ANKS1B: variants seen among roughly 807,000 people sequenced by gnomAD.
The protein encoded by ANKS1B is ankyrin repeat and sterile alpha motif domain-containing protein 1B.
Under a neutral mutation model 148.3 loss-of-function variants are expected in ANKS1B, and 36 were observed. That is an observed-to-expected ratio of 0.24 (90% CI 0.19 to 0.32). The LOEUF (loss-of-function observed/expected upper bound fraction) is 0.32, where lower values mean the gene tolerates loss of function less well. ANKS1B is among the 10% of genes least tolerant of loss of function. The pLI, the probability that ANKS1B is intolerant of heterozygous loss-of-function variation, is 1.00. For synonymous variants in ANKS1B, 542 were observed against 560.8 expected, an observed-to-expected ratio of 0.97 and a Z score of 0.47; for missense variants, 1,157 against 1,542.6, an observed-to-expected ratio of 0.75 and a Z score of 4.19.
intron 9 of ANKS1B, among the ~76,000 whole-genome samples, chr12:99,522,933 G>C (rs887163441): frequency 2.0e-5 from 3 of 152,172 alleles, no homozygotes; most frequent in Non-Finnish European, 4.4e-5. Context: ...CAAAGAGACT[G>C]GGGGAGACTT....
rs116021475 is a variant in ANKS1B at position 99,684,405 on chromosome 12, G to A, written c.1129-29195C>T. On this transcript the variant is annotated intron_variant, in intron 8 of 26. Coordinates refer to ENST00000683438, the MANE Select transcript of ANKS1B (RefSeq NM_001352186.2). ...AAAAAAGGGAAAAAGAAATACTTAG[G>A]AATACATCTAACCAAAGAGGTGAAA... 4.8e-3 allele frequency among the ~76,000 whole-genome samples: 713 copies of A among 149,638 alleles called. 6 individuals carry two copies. The highest frequency in any genetic ancestry group is 0.016 in the African/African-American group (670 of 40,774).
At chr12:99,788,946 T>C (rs2065307123) in intron 4 of ANKS1B, among the ~76,000 whole-genome samples, 1 of 152,096 alleles carries the variant, frequency 6.6e-6, no homozygotes, top group Admixed American at 6.6e-5. Flanking sequence ...TTAGCTGCAG[T>C]AAATTAGAAC....
chr12:99,052,541 C>G (rs1487213000), intron 17 of ANKS1B, among the ~76,000 whole-genome samples: 1 of 147,760 alleles, frequency 6.8e-6, no homozygotes. Flanking sequence ...TCCTGGCTAA[C>G]AAGGTGAAAC....
At chr12:98,916,895 T>G (rs564549370) in intron 17 of ANKS1B, among the ~76,000 whole-genome samples, 1 of 152,302 alleles carries the variant, frequency 6.6e-6, no homozygotes, top group East Asian at 1.9e-4. Flanking sequence ...TTATGTGTCT[T>G]TATTATATAT....
chr12:99,034,015 T>C (rs541795921), intron 17 of ANKS1B, among the ~76,000 whole-genome samples: 2 of 152,306 alleles, frequency 1.3e-5, no homozygotes, highest in Non-Finnish European at 1.5e-5. Flanking sequence ...TGAGCCAACA[T>C]TGGCAGGTGC....
intron 11 of ANKS1B, among the ~76,000 whole-genome samples, chr12:99,429,009 A>G (rs1008082900): frequency 8.5e-5 from 13 of 152,202 alleles, no homozygotes; most frequent in African/African-American, 3.1e-4. Context: ...AGTATAACTA[A>G]CTCAATAAAA....
chr12:99,279,460 A>C (rs2078103085), intron 12 of ANKS1B, among the ~76,000 whole-genome samples: 1 of 152,050 alleles, frequency 6.6e-6, no homozygotes, highest in South Asian at 2.1e-4. Flanking sequence ...GTCACTCCTC[A>C]TTCACACTCT....
chr12:99,308,190 C>A (rs1241296353), intron 12 of ANKS1B, among the ~76,000 whole-genome samples: 1 of 151,928 alleles, frequency 6.6e-6, no homozygotes, highest in African/African-American at 2.4e-5. Flanking sequence ...AGAATCAGAG[C>A]AATCACTACA....
In ANKS1B at chr12:99,117,996, T is replaced by C. The variant is rs865932014; in HGVS notation, c.2527-32973A>G. On this transcript the variant is annotated intron_variant, in intron 15 of 26. Coordinates refer to ENST00000683438, the MANE Select transcript of ANKS1B (RefSeq NM_001352186.2). The stretch of plus-strand genomic sequence containing the variant: ...TAGTTTATATGCATAGAGGTATTTA[T>C]AGCATTTTCTGATGGTAGCTTGTAT... Among the ~76,000 whole-genome samples the C allele has an allele frequency of 1.2e-3, 177 of 152,350 alleles. 1 individual carries two copies. Among genetic ancestry groups the C allele is most frequent in the African/African-American group, 4.2e-3 (174 of 41,576 alleles).
intron 17 of ANKS1B, among the ~76,000 whole-genome samples, chr12:98,888,957 G>A (rs1465334152): frequency 6.6e-6 from 1 of 152,166 alleles, no homozygotes; most frequent in African/African-American, 2.4e-5. Flanking sequence ...CAAAGAATGT[G>A]CCCAGAAGAT....
chr12:99,773,748 T>C (rs996473975), intron 7 of ANKS1B, among the ~76,000 whole-genome samples: 9 of 152,124 alleles, frequency 5.9e-5, no homozygotes, highest in African/African-American at 1.9e-4. Context: ...TATTCTGACA[T>C]AAAAACATAT....
chr12:99,091,719 TGTAAA>T (rs2054062576), intron 15 of ANKS1B, among the ~76,000 whole-genome samples: 1 of 152,214 alleles, frequency 6.6e-6, no homozygotes, highest in East Asian at 1.9e-4. Flanking sequence ...TGTTCATTAG[TGTAAA>T]GTAAATAGCA....
chr12:99,080,897 G>T (rs1483181182), intron 16 of ANKS1B, among the ~76,000 whole-genome samples: 1 of 152,122 alleles, frequency 6.6e-6, no homozygotes, highest in Non-Finnish European at 1.5e-5. Flanking sequence ...TCATAAAAAG[G>T]GAAAAAGGTG....
At chr12:99,929,670 T>C (rs1374714137) in intron 1 of ANKS1B, among the ~76,000 whole-genome samples, 4 of 152,246 alleles carry the variant, frequency 2.6e-5, no homozygotes, top group African/African-American at 9.6e-5. Context: ...GAATTAATTT[T>C]TGTATAAGGT....
intron 9 of ANKS1B, among the ~76,000 whole-genome samples, chr12:99,627,436 G>A (rs1039104488): frequency 4.6e-5 from 7 of 152,156 alleles, no homozygotes; most frequent in African/African-American, 1.7e-4. Flanking sequence ...AAGCAATGTA[G>A]TATTGGAATT....
intron 15 of ANKS1B, among the ~76,000 whole-genome samples, chr12:99,089,889 T>A (rs182753278): frequency 7.2e-5 from 11 of 152,296 alleles, no homozygotes; most frequent in Non-Finnish European, 1.6e-4. Flanking sequence ...AATCAATAAA[T>A]AAAGTTGTTT....
At chr12:99,972,649 G>A (rs1311880015) in intron 1 of ANKS1B, among the ~76,000 whole-genome samples, 1 of 152,232 alleles carries the variant, frequency 6.6e-6, no homozygotes, top group African/African-American at 2.4e-5. Context: ...ATGGCAAGGT[G>A]AAGTAGTTAA....
At chr12:98,963,654 G>T (rs1349070326) in intron 17 of ANKS1B, among the ~76,000 whole-genome samples, 1 of 152,106 alleles carries the variant, frequency 6.6e-6, no homozygotes, top group African/African-American at 2.4e-5. Context: ...GGACAGATGG[G>T]ATCACATCAA....
In ANKS1B at chr12:99,403,251, G is replaced by A. The variant is rs1233563284; in HGVS notation, c.1576-3440C>T. ...AGCTCAATGCAACCTCTGCCTCCTG[G>A]GTTCAAGTGATTCTTGTGCCTCAGG... On this transcript the variant is annotated intron_variant, in intron 11 of 26. Transcript: ENST00000683438. Among the ~76,000 whole-genome samples, 3 of 134,314 alleles carry A rather than the reference G, an allele frequency of 2.2e-5. No homozygotes were observed. In the East Asian group the frequency reaches 6.4e-4, roughly 29 times the overall value. 88.1% of individuals were successfully genotyped at this position (134,314 alleles called of 152,430 possible).
Sources: gnomAD v4.1 joint callset for allele counts (sites outside exome capture counted in the v4.1 genomes callset) on GRCh38, gnomAD v4.1.1 for gene constraint, MANE v1.5 for transcripts, NCBI Gene and HGNC (gene_info 2026-07-23, HGNC 2026-07-21) for gene names.